TCF20: variants seen among roughly 807,000 people sequenced by gnomAD.
TCF20 encodes SPRE-binding protein.
A neutral mutation model predicts 148.6 loss-of-function variants in TCF20; 3 were observed. That is an observed-to-expected ratio of 0.02 (90% confidence interval 0.01 to 0.05). The LOEUF is 0.05. Ranked by LOEUF, TCF20 falls within the 10% of genes least tolerant of loss-of-function variation. The pLI is 1.00. For missense variants in TCF20, 2,350 were observed against 2,429.3 expected (o/e 0.97, Z 0.69); for synonymous variants, 1,049 against 909.5 (o/e 1.15, Z -2.76).
chr22:42,341,261 T>C (rs1049567072), intron 1 of TCF20, among the ~76,000 whole-genome samples: 2 of 152,148 alleles, frequency 1.3e-5, no homozygotes, highest in South Asian at 2.1e-4. Flanking sequence ...CTAATGAAGA[T>C]GGCCGACATT....
rs140097809 is a variant in TCF20, at chr22:42,213,389, A to G, written c.1917T>C (p.Pro639=). 1 of 1,614,032 alleles carries G rather than the reference A, an allele frequency of 6.2e-7. No homozygotes were observed. The change falls in exon 2 of 6, where the codon CCT becomes CCC. Residue 639 remains proline, a synonymous_variant. Transcript: ENST00000677622. ...EDDPAATQRP[P]SNGGAKETSH... is the part of the protein sequence containing the mutation. ...TGGTTTCCTTTGCCCCACCATTGCT[A>G]GGTGGCCTTTGAGTGGCTGCAGGAT...
chr22:42,184,667 T>G (rs1370390908), intron 2 of TCF20, among the ~76,000 whole-genome samples: 1 of 152,168 alleles, frequency 6.6e-6, no homozygotes, highest in Non-Finnish European at 1.5e-5. Flanking sequence ...CCAGGAAGAA[T>G]GAGACACATT....
At chr22:42,169,259 G>A (rs1374432888) in intron 4 of TCF20, among the ~76,000 whole-genome samples, 5 of 151,962 alleles carry the variant, frequency 3.3e-5, no homozygotes, top group Non-Finnish European at 7.4e-5. Context: ...CACATATGTG[G>A]TATCCACAAA....
intron 1 of TCF20, among the ~76,000 whole-genome samples, chr22:42,244,784 A>G (rs1924766637): frequency 1.3e-5 from 2 of 152,152 alleles, no homozygotes; most frequent in Admixed American, 6.6e-5. Context: ...TTTCATATCA[A>G]TTTAAAAAAA....
chr22:42,174,472 T>C (rs1038033807), intron 3 of TCF20, among the ~76,000 whole-genome samples: 4 of 152,224 alleles, frequency 2.6e-5, no homozygotes, highest in African/African-American at 9.6e-5. Flanking sequence ...CACACCCTAA[T>C]GTGTCCCTGA....
At chr22:42,236,280 T>C (rs2147293321) in intron 1 of TCF20, among the ~76,000 whole-genome samples, 1 of 152,022 alleles carries the variant, frequency 6.6e-6, no homozygotes, top group South Asian at 2.1e-4. Context: ...AAAAACACAA[T>C]AAATAACTAC....
intron 1 of TCF20, among the ~76,000 whole-genome samples, chr22:42,262,065 C>A (rs772822771): frequency 6.6e-6 from 1 of 152,096 alleles, no homozygotes; most frequent in Non-Finnish European, 1.5e-5. Context: ...ACTGGAGGGC[C>A]GTGAACAAAA....
intron 1 of TCF20, among the ~76,000 whole-genome samples, chr22:42,289,277 A>AGT (rs903542378): frequency 4.6e-5 from 7 of 152,132 alleles, no homozygotes; most frequent in African/African-American, 1.7e-4. Flanking sequence ...TGGGGCCACC[A>AGT]GTGCTCTCTC....
At chr22:42,196,860 G>A (rs928698284) in intron 2 of TCF20, among the ~76,000 whole-genome samples, 1 of 152,218 alleles carries the variant, frequency 6.6e-6, no homozygotes, top group Non-Finnish European at 1.5e-5. Context: ...CACCACTTCA[G>A]ATTTGAGTTC....
At chr22:42,196,839 G>C (rs1326232987) in intron 2 of TCF20, among the ~76,000 whole-genome samples, 3 of 152,192 alleles carry the variant, frequency 2.0e-5, no homozygotes, top group Non-Finnish European at 4.4e-5. Context: ...TAGTCCATCA[G>C]AAGGGACTAG....
intron 1 of TCF20, among the ~76,000 whole-genome samples, chr22:42,222,036 C>A (rs1922425126): frequency 6.6e-6 from 1 of 152,102 alleles, no homozygotes; most frequent in African/African-American, 2.4e-5. Flanking sequence ...CCGCGCCCGG[C>A]CCCATATGGC....
In TCF20 at chr22:42,166,647, T is replaced by TAGGA. The variant is rs201091614; in HGVS notation, c.*44+1958_*44+1961dup. Reference sequence around the variant, plus strand: ...AAAAAGAGTCAAGGGCCCTGACAGCTAGGAAGGAAGGCCCAAGAATGACTA... The same window carrying TAGGA: ...AAAAAGAGTCAAGGGCCCTGACAGCTAGGAAGGAAGGAAGGCCCAAGAATGACTA... On this transcript the variant is annotated intron_variant, in intron 5 of 5. Coordinates refer to ENST00000677622, the MANE Select transcript of TCF20 (RefSeq NM_001378418.1). Among the ~76,000 whole-genome samples, 256 of 149,202 alleles carry TAGGA rather than the reference T, an allele frequency of 1.7e-3. 7 individuals are homozygous for TAGGA. The East Asian group carries it at 0.045, about 26-fold the overall frequency.
At chr22:42,194,220 A>G (rs1332209716) in intron 2 of TCF20, among the ~76,000 whole-genome samples, 1 of 152,142 alleles carries the variant, frequency 6.6e-6, no homozygotes, top group Non-Finnish European at 1.5e-5. Flanking sequence ...GAGCAACAAG[A>G]TTTTTTGTTG....
chr22:42,221,674 C>T (rs1369556671), intron 1 of TCF20, among the ~76,000 whole-genome samples: 1 of 150,322 alleles, frequency 6.7e-6, no homozygotes, highest in African/African-American at 2.5e-5. Context: ...GAGTTGCAGG[C>T]AGGTGCTGGG....
intron 5 of TCF20, among the ~76,000 whole-genome samples, chr22:42,167,027 G>A (rs746758553): frequency 1.3e-5 from 2 of 152,214 alleles, no homozygotes; most frequent in African/African-American, 4.8e-5. Context: ...AGCAGGCAGT[G>A]CTGCCCAGCA....
At chr22:42,291,308 G>A (rs1927128707) in intron 1 of TCF20, among the ~76,000 whole-genome samples, 1 of 152,196 alleles carries the variant, frequency 6.6e-6, no homozygotes, top group Non-Finnish European at 1.5e-5. Context: ...CCCAGGGGAG[G>A]GGCCCTCCCC....
intron 5 of TCF20, among the ~76,000 whole-genome samples, chr22:42,168,134 A>G (rs1011608166): frequency 4.6e-5 from 7 of 151,932 alleles, no homozygotes; most frequent in African/African-American, 1.7e-4. Flanking sequence ...ATAATACTGG[A>G]AAAAAAAGAT....
At position 42,213,687 on chromosome 22, in the gene TCF20, T is replaced by C. The variant is rs1921310188; in HGVS notation, c.1619A>G (p.Gln540Arg). The change falls in exon 2 of 6, where the codon CAG (glutamine) becomes CGG (arginine). Residue 540 changes from glutamine to arginine, a missense_variant. Coordinates refer to ENST00000677622, the MANE Select transcript of TCF20 (RefSeq NM_001378418.1). ...GTAGGTGGTGTCAGAGCTGGTGCTCTGGCCACTTAGTTGCCGCACTCTCTC... is the reference window on the plus strand; with the variant it reads ...GTAGGTGGTGTCAGAGCTGGTGCTCCGGCCACTTAGTTGCCGCACTCTCTC... ...QGERVRQLSGQSTSSDTTYKG... is the reference protein window; with the variant it reads ...QGERVRQLSGRSTSSDTTYKG... 1 of 1,614,070 alleles carries C rather than the reference T, an allele frequency of 6.2e-7. No homozygotes were observed.
At chr22:42,248,649 A>G (rs1204354327) in intron 1 of TCF20, among the ~76,000 whole-genome samples, 2 of 152,222 alleles carry the variant, frequency 1.3e-5, no homozygotes. Flanking sequence ...TTAAAATCCC[A>G]AAAGACTAAA....
Sources: allele counts gnomAD v4.1 joint callset (sites outside exome capture counted in the v4.1 genomes callset), GRCh38; gene constraint gnomAD v4.1.1; transcripts MANE v1.5; gene names NCBI Gene and HGNC (gene_info 2026-07-23, HGNC 2026-07-21).